Variants in IQSEC1 observed in about 807,000 individuals in gnomAD.
IQSEC1 encodes the protein IQ motif and SEC7 domain-containing protein 1.
Under a neutral mutation model 91.0 loss-of-function variants are expected in IQSEC1, and 31 were observed. That is an observed-to-expected ratio of 0.34 (90% confidence interval 0.26 to 0.46). The LOEUF is 0.46. Ranked by LOEUF, IQSEC1 falls within the 20% of genes least tolerant of loss-of-function variation. The pLI, the probability that IQSEC1 is intolerant of heterozygous loss-of-function variation, is 1.00. For missense variants in IQSEC1, 1,388 were observed against 1,575.6 expected, an observed-to-expected ratio of 0.88 and a Z score of 2.02; for synonymous variants, 699 against 662.6, an observed-to-expected ratio of 1.05 and a Z score of -0.84.
chr3:12,931,623 T>C lies in IQSEC1; in HGVS notation c.1568+3825A>G, dbSNP rs56285367. 4.6e-3 allele frequency among the ~76,000 whole-genome samples: 697 copies of C among 152,328 alleles called. 2 individuals carry two copies. The highest frequency in any genetic ancestry group is 8.3e-3 in the Non-Finnish European group (562 of 68,016). The stretch of plus-strand genomic sequence containing the variant: ...TGGAGCATGCAGATCAGGGGTACTC[T>C]CTGAGCCCTGTTCCCACAGGTGGAG... On this transcript the variant is annotated intron_variant, in intron 3 of 13. Coordinates refer to ENST00000613206, the MANE Select transcript of IQSEC1 (RefSeq NM_001134382.3).
At chr3:13,174,778 G>C (rs59742153) in intron 1 of IQSEC1, among the ~76,000 whole-genome samples, 8,072 of 151,850 alleles carry the variant, frequency 0.053, 698 homozygotes, top group African/African-American at 0.18. Flanking sequence ...AGCTGCCCTC[G>C]CTGGCACGTC....
chr3:13,254,566 G>A (rs926227533), intron 1 of IQSEC1, among the ~76,000 whole-genome samples: 51 of 152,360 alleles, frequency 3.3e-4, no homozygotes, highest in African/African-American at 1.1e-3. Context: ...AGCCAGCACC[G>A]GCTGCAGGAA....
At chr3:13,132,131 T>C (rs140949950) in intron 2 of IQSEC1, among the ~76,000 whole-genome samples, 14 of 152,358 alleles carry the variant, frequency 9.2e-5, no homozygotes, top group African/African-American at 3.1e-4. Context: ...CTAAATCTTT[T>C]TGAGCTTTGT....
intron 2 of IQSEC1, among the ~76,000 whole-genome samples, chr3:13,119,741 G>A (rs531993111): frequency 6.6e-6 from 1 of 152,384 alleles, no homozygotes; most frequent in East Asian, 1.9e-4. Flanking sequence ...TGCATGTAAC[G>A]ATTGTGATGG....
intron 1 of IQSEC1, among the ~76,000 whole-genome samples, chr3:13,256,448 C>T (rs367845119): frequency 9.2e-5 from 14 of 152,296 alleles, no homozygotes; most frequent in African/African-American, 3.4e-4. Flanking sequence ...GCCTGTTCAG[C>T]AAGTACCAAC....
chr3:13,054,676 G>A (rs1304803875), intron 1 of IQSEC1, among the ~76,000 whole-genome samples: 2 of 152,224 alleles, frequency 1.3e-5, no homozygotes, highest in Non-Finnish European at 2.9e-5. Flanking sequence ...CTGAGGCTGA[G>A]GCGCAGAGAA....
At chr3:12,993,954 C>T (rs575256519) in intron 1 of IQSEC1, among the ~76,000 whole-genome samples, 4 of 151,840 alleles carry the variant, frequency 2.6e-5, no homozygotes, top group East Asian at 2.0e-4. Flanking sequence ...AACCGCGGCC[C>T]CGGGGGCGGA....
At chr3:13,145,207 A>G (rs1425460132) in intron 2 of IQSEC1, among the ~76,000 whole-genome samples, 1 of 152,196 alleles carries the variant, frequency 6.6e-6, no homozygotes, top group Non-Finnish European at 1.5e-5. Context: ...AGAAAACCCT[A>G]TGAAGAGTAG....
At chr3:13,249,288 T>C (rs906107521) in intron 1 of IQSEC1, among the ~76,000 whole-genome samples, 3 of 151,344 alleles carry the variant, frequency 2.0e-5, no homozygotes, top group East Asian at 1.9e-4. Context: ...TCTCCTGCCT[T>C]AGCCTCCTGA....
Position 12,967,804 on chromosome 3 carries a change from T to C in IQSEC1, c.24-25939A>G, listed in dbSNP as rs1242565380. 1 of 529,014 alleles carries C rather than the reference T, an allele frequency of 1.9e-6. No homozygotes were observed. The highest frequency in any genetic ancestry group is 8.2e-5 in the South Asian group (1 of 12,188). The allele number at this position is 529,014 out of a possible 1,614,324, so 32.8% of individuals were successfully genotyped here. On this transcript the variant is annotated intron_variant, in intron 1 of 13. Transcript: ENST00000613206. The surrounding 1 kb of genome is among the most constrained non-coding windows in gnomAD (Gnocchi z 5.9). ...CCGGAGGGCGAGCTGGGGGCGGGGC[T>C]GCGCGCGGGGGCGAGACTGCACGGA...
chr3:13,143,391 T>G (rs888742853), intron 2 of IQSEC1, among the ~76,000 whole-genome samples: 1 of 152,084 alleles, frequency 6.6e-6, no homozygotes, highest in East Asian at 1.9e-4. Flanking sequence ...CACCATGGAT[T>G]CTGTTACACA....
intron 2 of IQSEC1, among the ~76,000 whole-genome samples, chr3:13,126,900 C>T (rs1365396940): frequency 1.3e-5 from 2 of 152,108 alleles, no homozygotes; most frequent in African/African-American, 4.8e-5. Flanking sequence ...TTGCCTAGCC[C>T]TAGGTCCTAA....
At chr3:13,050,910 CAT>C (rs1704668910) in intron 1 of IQSEC1, among the ~76,000 whole-genome samples, 1 of 152,136 alleles carries the variant, frequency 6.6e-6, no homozygotes, top group Non-Finnish European at 1.5e-5. Flanking sequence ...AACATGCACA[CAT>C]ATTTTTTAAC....
At chr3:13,145,292 G>A (rs771206531) in intron 2 of IQSEC1, among the ~76,000 whole-genome samples, 7 of 152,134 alleles carry the variant, frequency 4.6e-5, no homozygotes, top group Non-Finnish European at 5.9e-5. Flanking sequence ...GGCTTGGCTG[G>A]TGGCTCACTA....
At chr3:13,048,193 A>G (rs1704567401) in intron 1 of IQSEC1, among the ~76,000 whole-genome samples, 1 of 152,154 alleles carries the variant, frequency 6.6e-6, no homozygotes, top group Non-Finnish European at 1.5e-5. Flanking sequence ...GTAAAATGGG[A>G]GTAGGAAAAG....
chr3:13,258,407 T>G (rs898717140), intron 1 of IQSEC1, among the ~76,000 whole-genome samples: 1 of 152,146 alleles, frequency 6.6e-6, no homozygotes, highest in African/African-American at 2.4e-5. Context: ...CAGGGCCAGG[T>G]GTGATGGCTC....
chr3:13,054,483 C>T (rs145611790), intron 1 of IQSEC1, among the ~76,000 whole-genome samples: 2 of 152,344 alleles, frequency 1.3e-5, no homozygotes, highest in African/African-American at 2.4e-5. Flanking sequence ...TGTCCACAGC[C>T]GAGCTATGAA....
chr3:13,194,777 C>T (rs1020983757), intron 1 of IQSEC1, among the ~76,000 whole-genome samples: 4 of 152,140 alleles, frequency 2.6e-5, no homozygotes, highest in African/African-American at 9.7e-5. Context: ...ATTACGGCAC[C>T]GAGGGACCTC....
rs923519417 is a variant in IQSEC1 at position 13,073,154 on chromosome 3, T to C, written c.-140A>G. On this transcript the variant is annotated 5_prime_UTR_variant, in exon 1 of 14. Coordinates refer to ENST00000613206, the MANE Select transcript of IQSEC1 (RefSeq NM_001134382.3). ...GCGGGGCGAGTCACATTCCCGGGGG[T>C]GGCGGGCTCCTCCAGGGAGGCTGGG... The C allele has an allele frequency of 1.9e-5, 10 of 513,590 alleles. No homozygotes were observed. The highest frequency in any genetic ancestry group is 3.3e-5 in the Non-Finnish European group (10 of 303,806). 31.8% of individuals were successfully genotyped at this position (513,590 alleles called of 1,614,324 possible).
Sources: allele counts gnomAD v4.1 joint callset (sites outside exome capture counted in the v4.1 genomes callset), GRCh38; gene constraint gnomAD v4.1.1; non-coding constraint Gnocchi (gnomAD v3.1); transcripts MANE v1.5; gene names NCBI Gene and HGNC (gene_info 2026-07-23, HGNC 2026-07-21).